The following TTC3 variants were observed in gnomAD, a reference collection of about 807,000 sequenced individuals.
The protein encoded by TTC3 is E3 ubiquitin-protein ligase TTC3.
TTC3 carries 180 observed loss-of-function variants against 249.6 expected under a neutral mutation model. That is an observed-to-expected ratio of 0.72 (90% CI 0.64 to 0.82). TTC3 has a LOEUF of 0.82. TTC3 is among the 40% of genes least tolerant of loss of function. TTC3 has a pLI of 0.00. For synonymous variants in TTC3, 717 were observed against 805.0 expected (o/e 0.89, Z 1.85); for missense variants, 2,061 against 2,398.4 (o/e 0.86, Z 2.94).
At chr21:37,173,640 C>T (rs2081996240) in intron 35 of TTC3, among the ~76,000 whole-genome samples, 1 of 152,128 alleles carries the variant, frequency 6.6e-6, no homozygotes, top group Non-Finnish European at 1.5e-5. Flanking sequence ...GGATCAATAG[C>T]TGGGATAACA....
chr21:37,144,422 C>A, intron 20 of TTC3, 103 bp from the exon 21 acceptor site: 2 of 1,343,922 alleles, frequency 1.5e-6, no homozygotes, highest in Non-Finnish European at 1.0e-6. Flanking sequence ...AGTGATTCAT[C>A]AAATGTATTC....
rs1175943574 is a variant in TTC3, at chr21:37,175,597, C to CAA, written c.4617+2872_4617+2873dup. On this transcript the variant is annotated intron_variant, in intron 35 of 45. Transcript: ENST00000355666. ...GGGCGACAAGAGCTAGACTCCATCT[C>CAA]AAAAAAAAAAAAAAAAAAAAGAATG... Among the ~76,000 whole-genome samples the CAA allele has an allele frequency of 7.9e-4, 34 of 42,812 alleles. 1 individual carries two copies. The highest frequency in any genetic ancestry group is 1.6e-3 in the African/African-American group (19 of 12,114). 28.1% of individuals were successfully genotyped at this position (42,812 alleles called of 152,430 possible).
intron 10 of TTC3, 83 bp downstream of exon 10, chr21:37,096,726 C>A: frequency 9.8e-7 from 1 of 1,015,338 alleles, no homozygotes. Flanking sequence ...TTCAGGTATA[C>A]AAGAAAATCC....
intron 37 of TTC3, 163 bp downstream of exon 37, chr21:37,185,937 T>C (rs1339925343): frequency 6.8e-6 from 2 of 294,390 alleles, no homozygotes; most frequent in Non-Finnish European, 1.3e-5. Flanking sequence ...AAAATTAATT[T>C]ATAAATATAT....
intron 35 of TTC3, among the ~76,000 whole-genome samples, chr21:37,179,702 C>T (rs1361629140): frequency 6.6e-6 from 1 of 151,860 alleles, no homozygotes. Context: ...ATGGGGGTCT[C>T]ATTGTATTGC....
In TTC3 at chr21:37,108,466, T is replaced by C. The variant is rs572853255; in HGVS notation, c.900+20T>C. ...CCAAAGGTAGGTTTCTTCTGTATTT[T>C]ATATTGAGCAAATAATGCCATACAA... On this transcript the variant is annotated intron_variant, in intron 11 of 45. Coordinates refer to ENST00000355666, the Ensembl canonical transcript of TTC3. 1.2e-6 allele frequency: 2 copies of C among 1,606,400 alleles called. No homozygotes were observed. Among genetic ancestry groups the C allele is most frequent in the East Asian group, 2.2e-5 (1 of 44,812 alleles).
Position 37,157,089 on chromosome 21 carries a change from C to CTT in TTC3, c.2992+185_2992+186dup. The stretch of plus-strand genomic sequence containing the variant: ...TTTTTTATATCATGAAGCTTTTTTA[C>CTT]TTTATCAGTTAAAGAGATACTCAAA... On this transcript the variant is annotated intron_variant, in intron 28 of 45. Coordinates refer to ENST00000355666, the Ensembl canonical transcript of TTC3. The CTT allele has an allele frequency of 3.7e-6, 5 of 1,368,008 alleles. No homozygotes were observed. The South Asian group carries it at 6.7e-5, about 18-fold the overall frequency. The allele number at this position is 1,368,008 out of a possible 1,614,324, so 84.7% of individuals were successfully genotyped here.
At chr21:37,171,485 T>C (rs1458125397) in intron 34 of TTC3, among the ~76,000 whole-genome samples, 2 of 152,208 alleles carry the variant, frequency 1.3e-5, no homozygotes, top group African/African-American at 4.8e-5. Context: ...TGTAATAACA[T>C]AGAGGTGGCA....
intron 21 of TTC3, 30 bp downstream of exon 21, chr21:37,144,675 T>C (rs1451180834): frequency 6.3e-7 from 1 of 1,598,292 alleles, no homozygotes; most frequent in African/African-American, 1.3e-5. Flanking sequence ...GAGTGTTTCT[T>C]ACTGTGAATG....
chr21:37,180,761 A>T (rs201955138), intron 35 of TTC3, among the ~76,000 whole-genome samples: 8 of 33,144 alleles, frequency 2.4e-4, no homozygotes, highest in South Asian at 1.2e-3. Context: ...AAAGTATAAT[A>T]AAAAAAAATG....
In TTC3 at chr21:37,164,634, C is replaced by T. The variant is rs992173514; in HGVS notation, c.3335+419C>T. On this transcript the variant is annotated intron_variant, in intron 32 of 45. Coordinates refer to ENST00000355666, the Ensembl canonical transcript of TTC3. Reference sequence around the variant, plus strand: ...ATTACAGGCATGAGCCACCTCGCCCCGCCCTGAGGATTTTTAATTATTAAA... The same window carrying T: ...ATTACAGGCATGAGCCACCTCGCCCTGCCCTGAGGATTTTTAATTATTAAA... Among the ~76,000 whole-genome samples the T allele has an allele frequency of 9.2e-5, 14 of 152,068 alleles. 1 individual carries two copies. Among genetic ancestry groups the T allele is most frequent in the South Asian group, 6.2e-4 (3 of 4,830 alleles).
chr21:37,096,603 G>A lies in TTC3; in HGVS notation c.805G>A (p.Gly269Ser), dbSNP rs758452301. Residue 269 changes from glycine to serine, a missense_variant, in exon 10 of 46, where the codon GGT becomes AGT. Physicochemically the swap from Gly to Ser is moderately conservative, Grantham distance 56. Transcript: ENST00000355666. ...AAGACCTGAAAACTACCTTCTTTAT[G>A]GTAACCGAGCTCTTTGTTTTCTTCG... is the stretch of plus-strand genomic sequence containing the variant. The A allele has an allele frequency of 1.4e-5, 23 of 1,612,086 alleles. No homozygotes were observed. In the East Asian group the frequency reaches 4.5e-4, roughly 31 times the overall value.
intron 39 of TTC3, among the ~76,000 whole-genome samples, chr21:37,189,690 G>A (rs975638539): frequency 6.6e-6 from 1 of 152,038 alleles, no homozygotes; most frequent in Non-Finnish European, 1.5e-5. Flanking sequence ...TGAGACTACA[G>A]GTGCCCGCCA....
chr21:37,155,687 C>T (rs2079988735), intron 27 of TTC3, among the ~76,000 whole-genome samples: 1 of 152,148 alleles, frequency 6.6e-6, no homozygotes, highest in South Asian at 2.1e-4. Flanking sequence ...GACAGAGCTC[C>T]TTTTTGCTGG....
chr21:37,163,830 G>C (rs1411031871), intron 31 of TTC3, among the ~76,000 whole-genome samples: 1 of 152,150 alleles, frequency 6.6e-6, no homozygotes, highest in Non-Finnish European at 1.5e-5. Flanking sequence ...CTAAATAATT[G>C]AAAGTGCTTA....
intron 39 of TTC3, among the ~76,000 whole-genome samples, chr21:37,189,312 C>T (rs2083699704): frequency 6.6e-6 from 1 of 152,148 alleles, no homozygotes; most frequent in Non-Finnish European, 1.5e-5. Context: ...GTGGCCTGAT[C>T]TTGGCTCACT....
At chr21:37,200,197 TA>T in intron 44 of TTC3, 34 bp from the exon 45 acceptor site, 1 of 1,596,272 alleles carries the variant, frequency 6.3e-7, no homozygotes, top group African/African-American at 1.3e-5. Flanking sequence ...CAACTGTAGT[TA>T]TTCTTTACTA....
chr21:37,124,590 TATA>T (rs1440848043), intron 13 of TTC3, 26 bp from the exon 14 acceptor site: 1 of 1,601,078 alleles, frequency 6.2e-7, no homozygotes, highest in East Asian at 2.2e-5. Flanking sequence ...TCAAAAAATG[TATA>T]ATAATTCCTT....
intron 32 of TTC3, among the ~76,000 whole-genome samples, chr21:37,164,994 G>A (rs2148071946): frequency 6.6e-6 from 1 of 152,206 alleles, no homozygotes; most frequent in South Asian, 2.1e-4. Flanking sequence ...CTTTAGAGTT[G>A]AAATGCTGAG....
Sources: gnomAD v4.1 joint callset for allele counts (sites outside exome capture counted in the v4.1 genomes callset) on GRCh38, gnomAD v4.1.1 for gene constraint, MANE v1.5 for transcripts, NCBI Gene and HGNC (gene_info 2026-07-23, HGNC 2026-07-21) for gene names.